The following PEBP4 variants were observed in gnomAD, a reference collection of about 807,000 sequenced individuals.
PEBP4 encodes phosphatidylethanolamine binding protein 4.
A neutral mutation model predicts 23.9 loss-of-function variants in PEBP4; 22 were observed. The observed-to-expected ratio is 0.92, with a 90% CI of 0.66 to 1.31. The LOEUF (loss-of-function observed/expected upper bound fraction) is 1.31, where lower values mean the gene tolerates loss of function less well. PEBP4 is among the 40% of genes most tolerant of loss of function. The pLI is 0.00. For synonymous variants in PEBP4, 112 were observed against 99.3 expected, an observed-to-expected ratio of 1.13 and a Z score of -0.76; for missense variants, 324 against 281.7, an observed-to-expected ratio of 1.15 and a Z score of -1.07.
At chr8:22,789,745 C>T (rs1488140257) in intron 4 of PEBP4, among the ~76,000 whole-genome samples, 1 of 152,218 alleles carries the variant, frequency 6.6e-6, no homozygotes, top group Non-Finnish European at 1.5e-5. Flanking sequence ...GGATGCTCAC[C>T]TTGTCAAACA....
At chr8:22,749,731 C>T (rs1426800541) in intron 4 of PEBP4, among the ~76,000 whole-genome samples, 3 of 151,610 alleles carry the variant, frequency 2.0e-5, no homozygotes, top group Non-Finnish European at 1.5e-5. Flanking sequence ...TTCAGGGCCA[C>T]GGCATCCATA....
At position 22,802,398 on chromosome 8, in the gene PEBP4, G is replaced by A. The variant is rs1806402988; in HGVS notation, c.357+15239C>T. Among the ~76,000 whole-genome samples, 7 of 152,190 alleles carry A rather than the reference G, an allele frequency of 4.6e-5. No homozygotes were observed. The South Asian group carries it at 8.3e-4, about 18-fold the overall frequency. On this transcript the variant is annotated intron_variant, in intron 4 of 6. Coordinates refer to ENST00000256404, the MANE Select transcript of PEBP4 (RefSeq NM_144962.3). ...GCCCCCAACACGTCTCCTGCCATGG[G>A]GCTTGTCCTTCTCCAGTTTCTGCCC...
chr8:22,939,268 T>C (rs1029080804), intron 1 of PEBP4, among the ~76,000 whole-genome samples: 3 of 152,214 alleles, frequency 2.0e-5, no homozygotes, highest in South Asian at 4.1e-4. Flanking sequence ...GGAATTTTTC[T>C]TCAAAGGTGG....
At chr8:22,760,309 C>G (rs1174477628) in intron 4 of PEBP4, among the ~76,000 whole-genome samples, 1 of 152,158 alleles carries the variant, frequency 6.6e-6, no homozygotes, top group Non-Finnish European at 1.5e-5. Flanking sequence ...GCCCTCCCTC[C>G]TAACCACTAA....
In PEBP4 at chr8:22,786,553, A is replaced by G. The variant is rs1191323383; in HGVS notation, c.357+31084T>C. Among the ~76,000 whole-genome samples the G allele has an allele frequency of 2.6e-5, 4 of 151,956 alleles. No homozygotes were observed. In the East Asian group the frequency reaches 7.8e-4, roughly 30 times the overall value. The stretch of plus-strand genomic sequence containing the variant: ...CCCACCTCGGCCTCCCAAAGTGCTG[A>G]GATTACAGGCATGAGCCACCATGCC... On this transcript the variant is annotated intron_variant, in intron 4 of 6. Coordinates refer to ENST00000256404, the MANE Select transcript of PEBP4 (RefSeq NM_144962.3).
At chr8:22,887,439 G>A (rs936573674) in intron 3 of PEBP4, among the ~76,000 whole-genome samples, 6 of 150,884 alleles carry the variant, frequency 4.0e-5, no homozygotes, top group Non-Finnish European at 8.8e-5. Flanking sequence ...GTGAGCCACC[G>A]TGCCCAGCCA....
At chr8:22,765,132 C>CCTTT (rs1805584143) in intron 4 of PEBP4, among the ~76,000 whole-genome samples, 1 of 151,630 alleles carries the variant, frequency 6.6e-6, no homozygotes, top group Non-Finnish European at 1.5e-5. Context: ...TTCCTTCCTT[C>CCTTT]CTTCCTTCCT....
At chr8:22,817,045 A>AG (rs1806757919) in intron 4 of PEBP4, among the ~76,000 whole-genome samples, 1 of 152,230 alleles carries the variant, frequency 6.6e-6, no homozygotes. Flanking sequence ...ACCAGATTTG[A>AG]GGACCCTCCC....
intron 4 of PEBP4, among the ~76,000 whole-genome samples, chr8:22,791,556 G>A (rs1261650632): frequency 6.6e-6 from 1 of 151,614 alleles, no homozygotes; most frequent in Non-Finnish European, 1.5e-5. Flanking sequence ...GTGCGTTCGC[G>A]CGTGCTTGTG....
intron 3 of PEBP4, among the ~76,000 whole-genome samples, chr8:22,869,678 C>T (rs1020087529): frequency 5.9e-5 from 9 of 151,980 alleles, no homozygotes; most frequent in South Asian, 2.1e-4. Flanking sequence ...GACTGGGATC[C>T]GAAACATACA....
Position 22,713,426 on chromosome 8 carries a change from T to C in PEBP4, c.628A>G (p.Arg210Gly). 2.5e-6 allele frequency: 4 copies of C among 1,612,608 alleles called. No individual in the cohort carries two copies. Among genetic ancestry groups the C allele is most frequent in the Non-Finnish European group, 3.4e-6 (4 of 1,179,558 alleles). ...TGCTTGGGCTCGCTGGCCCTTTCTCTGGGAGCCTGGAGGGTTGGTGAGTCC... is the reference window on the plus strand; with the variant it reads ...TGCTTGGGCTCGCTGGCCCTTTCTCCGGGAGCCTGGAGGGTTGGTGAGTCC... The part of the protein sequence containing the change: ...YQDSPTLQAP[R>G]ERASEPKHKN... The change falls in exon 7 of 7, where the codon AGA becomes GGA. Residue 210 changes from arginine (R) to glycine (G), a missense_variant. Transcript: ENST00000256404.
chr8:22,891,232 C>T (rs570305756), intron 3 of PEBP4, among the ~76,000 whole-genome samples: 40 of 139,500 alleles, frequency 2.9e-4, no homozygotes, highest in African/African-American at 1.0e-3. Flanking sequence ...TCCATATGCA[C>T]TTGCCAGATG....
intron 6 of PEBP4, among the ~76,000 whole-genome samples, chr8:22,722,667 C>G (rs1176153730): frequency 6.6e-6 from 1 of 152,202 alleles, no homozygotes; most frequent in Non-Finnish European, 1.5e-5. Context: ...TCCTGGTGCC[C>G]TTGATTGTGT....
chr8:22,794,527 T>C (rs1006760009), intron 4 of PEBP4, among the ~76,000 whole-genome samples: 7 of 152,322 alleles, frequency 4.6e-5, no homozygotes, highest in Admixed American at 3.3e-4. Context: ...TCAAGTAATA[T>C]GCCCGCCTCA....
At chr8:22,926,567 A>C (rs1213673353) in intron 2 of PEBP4, among the ~76,000 whole-genome samples, 1 of 152,110 alleles carries the variant, frequency 6.6e-6, no homozygotes, top group Non-Finnish European at 1.5e-5. Context: ...GGCTGGTCTC[A>C]AACCCCTGGG....
chr8:22,836,464 C>T (rs1486330443), intron 3 of PEBP4, among the ~76,000 whole-genome samples: 1 of 152,268 alleles, frequency 6.6e-6, no homozygotes, highest in African/African-American at 2.4e-5. Context: ...ATCCATGCTA[C>T]AAACATATAC....
chr8:22,874,467 G>A lies in PEBP4; in HGVS notation c.258+45717C>T, dbSNP rs1043326813. Among the ~76,000 whole-genome samples the A allele has an allele frequency of 3.3e-5, 5 of 152,262 alleles. No homozygotes were observed. In the East Asian group the frequency reaches 7.7e-4, roughly 24 times the overall value. ...AAAAAGAAATAGTTATAAACTTGCT[G>A]TGGGTCCTCAAACCCTCCCCGCTAA... On this transcript the variant is annotated intron_variant, in intron 3 of 6. Transcript: ENST00000256404.
chr8:22,764,964 C>T (rs1585260664), intron 4 of PEBP4, among the ~76,000 whole-genome samples: 1 of 152,222 alleles, frequency 6.6e-6, no homozygotes, highest in South Asian at 2.1e-4. Flanking sequence ...TGGACTTCCC[C>T]TGTCCCAGGC....
At chr8:22,722,769 C>T (rs376274950) in intron 6 of PEBP4, among the ~76,000 whole-genome samples, 1,964 of 126,386 alleles carry the variant, frequency 0.016, 18 homozygotes, top group Middle Eastern at 0.026. Flanking sequence ...CTGGGAGGGC[C>T]ATTTTTTTTT....
Sources: allele counts gnomAD v4.1 joint callset (sites outside exome capture counted in the v4.1 genomes callset), GRCh38; gene constraint gnomAD v4.1.1; transcripts MANE v1.5; gene names NCBI Gene and HGNC (gene_info 2026-07-23, HGNC 2026-07-21).